Variants in SLC67A1 observed in about 807,000 individuals in gnomAD.
The protein encoded by SLC67A1 is solute carrier family 67 member A1.
the SLC67A1 span, chr11:2,909,815 GC>G: frequency 2.4e-6 from 3 of 1,237,200 alleles, no homozygotes; most frequent in Non-Finnish European, 3.2e-6. Flanking sequence ...TGCTCGTGGG[GC>G]GCGAGTGGCC....
At chr11:2,903,137 T>A in the SLC67A1 span, 655 of 1,248,870 alleles carry the variant, frequency 5.2e-4, 6 homozygotes, top group Middle Eastern at 1.2e-3. Flanking sequence ...GGGGACCCCC[T>A]GATGTGTCCT....
the SLC67A1 span, among the ~76,000 whole-genome samples, chr11:2,924,208 T>A: frequency 2.6e-5 from 4 of 152,130 alleles, no homozygotes; most frequent in Non-Finnish European, 4.4e-5. The surrounding 1 kb of genome is among the most constrained non-coding windows in gnomAD (Gnocchi z 8.6). Context: ...AGATGCGGTG[T>A]CAGGGACAGA....
chr11:2,909,179 C>A, the SLC67A1 span: 1 of 1,493,576 alleles, frequency 6.7e-7, no homozygotes, highest in Non-Finnish European at 8.9e-7. Flanking sequence ...GGGTCCGACC[C>A]GCCCCTCGGC....
the SLC67A1 span, chr11:2,920,859 TTCAC>T: frequency 2.0e-5 from 3 of 152,204 alleles, no homozygotes; most frequent in Non-Finnish European, 4.4e-5. Context: ...TCTGAAGTCC[TTCAC>T]GGCACTCACT....
chr11:2,906,754 T>TACCTAATG, the SLC67A1 span, among the ~76,000 whole-genome samples: 3 of 150,722 alleles, frequency 2.0e-5, no homozygotes, highest in Non-Finnish European at 4.4e-5. Context: ...TTAAGAGAAA[T>TACCTAATG]ACCTAATGTA....
At chr11:2,922,430 T>C in the SLC67A1 span, 764 of 1,609,894 alleles carry the variant, frequency 4.7e-4, 1 homozygote, top group Non-Finnish European at 5.8e-4. Flanking sequence ...CCGCCTGCCG[T>C]CCCAGGCCTG....
chr11:2,914,819 A>T, the SLC67A1 span: 1 of 985,402 alleles, frequency 1.0e-6, no homozygotes, highest in Non-Finnish European at 1.2e-6. Flanking sequence ...CAGGCCTCTG[A>T]GGCCAGGGTC....
the SLC67A1 span, chr11:2,909,529 G>T: frequency 6.7e-7 from 1 of 1,489,994 alleles, no homozygotes; most frequent in Non-Finnish European, 8.9e-7. Flanking sequence ...GGGGGGGAAG[G>T]GCCCCACCGA....
the SLC67A1 span, chr11:2,919,585 T>C: frequency 1.7e-6 from 1 of 589,072 alleles, no homozygotes; most frequent in Non-Finnish European, 3.1e-6. Flanking sequence ...CCAACTGCAG[T>C]GGTGGGCACG....
At chr11:2,902,295 C>G in the SLC67A1 span, 1 of 152,322 alleles carries the variant, frequency 6.6e-6, no homozygotes, top group African/African-American at 2.4e-5. Context: ...CCGGAAGGAC[C>G]GGTGTCTAGG....
the SLC67A1 span, chr11:2,920,173 GC>G: frequency 6.6e-6 from 1 of 152,424 alleles, no homozygotes; most frequent in Non-Finnish European, 1.5e-5. Flanking sequence ...GCACCTCCAA[GC>G]CATCTGCTCT....
chr11:2,899,928 C>A, the SLC67A1 span: 2 of 505,330 alleles, frequency 4.0e-6, no homozygotes, highest in Non-Finnish European at 7.0e-6. Flanking sequence ...CTAAGCCCTC[C>A]CCAGGGAACC....
the SLC67A1 span, chr11:2,909,710 G>A: frequency 1.3e-5 from 20 of 1,517,246 alleles, no homozygotes; most frequent in South Asian, 2.2e-4. Flanking sequence ...TCCGCGTACG[G>A]GTGAGTGGTG....
the SLC67A1 span, chr11:2,909,058 G>A: frequency 1.3e-6 from 1 of 758,226 alleles, no homozygotes; most frequent in Non-Finnish European, 2.0e-6. Flanking sequence ...CCTCCCAGCA[G>A]CCGCCCAGGC....
chr11:2,909,554 T>C, the SLC67A1 span: 1 of 1,518,220 alleles, frequency 6.6e-7, no homozygotes, highest in Admixed American at 2.0e-5. Context: ...CTTTCGCCGC[T>C]CAGCTCCCCC....
At chr11:2,917,808 C>G in the SLC67A1 span, among the ~76,000 whole-genome samples, 3 of 152,352 alleles carry the variant, frequency 2.0e-5, no homozygotes, top group South Asian at 6.2e-4. Flanking sequence ...CGGTGCCCAA[C>G]CTGGCAGCTG....
chr11:2,913,239 G>A, the SLC67A1 span, among the ~76,000 whole-genome samples: 1 of 152,146 alleles, frequency 6.6e-6, no homozygotes, highest in East Asian at 1.9e-4. Flanking sequence ...CGTGTACCTC[G>A]CAGTGCCCAG....
At chr11:2,916,689 A>G in the SLC67A1 span, 6 of 1,612,878 alleles carry the variant, frequency 3.7e-6, no homozygotes, top group East Asian at 2.2e-5. Context: ...CTTCACCTGC[A>G]TCCCCGCCAG....
chr11:2,900,459 G>A, the SLC67A1 span, among the ~76,000 whole-genome samples: 12 of 150,940 alleles, frequency 8.0e-5, no homozygotes, highest in African/African-American at 2.0e-4. Context: ...TTGGGAGGCC[G>A]AGGGGGGGCG....
Sources: allele counts gnomAD v4.1 joint callset (sites outside exome capture counted in the v4.1 genomes callset), GRCh38; gene constraint gnomAD v4.1.1; non-coding constraint Gnocchi (gnomAD v3.1); transcripts MANE v1.5; gene names NCBI Gene and HGNC (gene_info 2026-07-23, HGNC 2026-07-21).